The following RFX6 variants were observed in gnomAD, a reference collection of about 807,000 sequenced individuals.
The protein encoded by RFX6 is DNA-binding protein RFX6.
Under a neutral mutation model 110.8 loss-of-function variants are expected in RFX6, and 50 were observed. The ratio of observed to expected loss-of-function variants is 0.45; its 90% confidence interval spans 0.36 to 0.57. RFX6 has a LOEUF of 0.57. Among genes scored for constraint, RFX6 ranks in the 20% least tolerant of loss-of-function variants. RFX6 has a pLI of 0.00. For missense variants in RFX6, 990 were observed against 1,127.0 expected (o/e 0.88, Z 1.74); for synonymous variants, 383 against 411.2 (o/e 0.93, Z 0.83).
In RFX6 at chr6:116,910,980, C is replaced by T; in HGVS notation, c.718C>T (p.Leu240Phe). 6.2e-7 allele frequency: 1 copy of T among 1,613,798 alleles called. No individual in the cohort carries two copies. Among genetic ancestry groups the T allele is most frequent in the Non-Finnish European group, 8.5e-7 (1 of 1,179,764 alleles). ...KYSLSSKTGTLLPEFPSAQHL... is the reference protein window; with the variant it reads ...KYSLSSKTGTFLPEFPSAQHL... ...TTCGCTTAGCTCAAAAACTGGAACA[C>T]TTCTTCCAGAATTCCCCAGCGCTCA... Residue 240 changes from leucine to phenylalanine, a missense_variant, in exon 7 of 19, where the codon CTT becomes TTT. Around this residue, in one of 5 missense-constraint regions of RFX6, gnomAD observed 243 missense variants for 353.1 expected, o/e 0.69. Coordinates refer to ENST00000332958, the MANE Select transcript of RFX6 (RefSeq NM_173560.4).
intron 18 of RFX6, 62 bp from the exon 19 acceptor site, chr6:116,931,269 C>T: frequency 8.2e-7 from 1 of 1,212,916 alleles, no homozygotes; most frequent in Non-Finnish European, 1.2e-6. Context: ...AAATGAGTGG[C>T]ATTTGCAGAG....
chr6:116,878,563 T>A lies in RFX6; in HGVS notation c.380+611T>A, dbSNP rs192107159. On this transcript the variant is annotated intron_variant, in intron 2 of 18. Transcript: ENST00000332958. ...GTGGAAAATCTTTTAAAACCAAGAA[T>A]TTATCAGTAGGATTTCCACATAGAG... 3.2e-4 allele frequency among the ~76,000 whole-genome samples: 48 copies of A among 152,116 alleles called. 1 individual carries two copies. The highest frequency in any genetic ancestry group is 1.1e-3 in the African/African-American group (46 of 41,578).
rs73765879 is a variant in RFX6 at position 116,883,220 on chromosome 6, A to G, written c.566+792A>G. Among the ~76,000 whole-genome samples the G allele has an allele frequency of 2.3e-3, 351 of 152,196 alleles. 1 individual carries two copies. Among genetic ancestry groups the G allele is most frequent in the African/African-American group, 8.2e-3 (342 of 41,544 alleles). On this transcript the variant is annotated intron_variant, in intron 4 of 18. Transcript: ENST00000332958. ...CATTTCCTACCTGGGCAAAAATCCA[A>G]TGGCTGGTTTTTACTGTTACTCATC... is the stretch of plus-strand genomic sequence containing the variant.
chr6:116,894,761 A>G (rs1562136431), intron 5 of RFX6, among the ~76,000 whole-genome samples: 1 of 152,118 alleles, frequency 6.6e-6, no homozygotes. Context: ...TAGCTCTTAA[A>G]AGAAGAAATT....
At chr6:116,915,150 G>GTT (rs1775435951) in intron 7 of RFX6, among the ~76,000 whole-genome samples, 1 of 152,086 alleles carries the variant, frequency 6.6e-6, no homozygotes, top group Non-Finnish European at 1.5e-5. Flanking sequence ...TAAGTGGCCA[G>GTT]AATATTATCT....
Position 116,916,093 on chromosome 6 carries a change from T to C in RFX6, c.858+8T>C. ...AATGGAAACTTTGAAGAGGTAAGAA[T>C]GACAAAGAATGCTTTATTTGACCCT... is the stretch of plus-strand genomic sequence containing the variant. On this transcript the variant is annotated splice_region_variant and intron_variant, in intron 8 of 18. Transcript: ENST00000332958. 1 of 1,592,726 alleles carries C rather than the reference T, an allele frequency of 6.3e-7. No homozygotes were observed. The highest frequency in any genetic ancestry group is 1.3e-5 in the African/African-American group (1 of 74,564).
chr6:116,930,263 G>A (rs1278269513), intron 18 of RFX6, among the ~76,000 whole-genome samples: 7 of 146,314 alleles, frequency 4.8e-5, no homozygotes. Context: ...TATTTCTTAA[G>A]TATAAAGCCT....
chr6:116,911,079 T>C, intron 7 of RFX6, 37 bp downstream of exon 7: 1 of 1,363,274 alleles, frequency 7.3e-7, no homozygotes, highest in Non-Finnish European at 1.1e-6. Flanking sequence ...GATTTTCTGA[T>C]ATGTTGGCTC....
intron 6 of RFX6, among the ~76,000 whole-genome samples, chr6:116,904,731 C>T (rs929616580): frequency 6.6e-6 from 1 of 152,166 alleles, no homozygotes. Flanking sequence ...ATGATGTTTA[C>T]TACTCTAGAA....
chr6:116,915,001 G>A (rs925481784), intron 7 of RFX6, among the ~76,000 whole-genome samples: 7 of 152,130 alleles, frequency 4.6e-5, no homozygotes, highest in Admixed American at 3.9e-4. Context: ...TTAGAGCTGC[G>A]ATTGAAATCC....
At chr6:116,895,645 T>TACACACACACACAC in intron 6 of RFX6, among the ~76,000 whole-genome samples, 1 of 147,940 alleles carries the variant, frequency 6.8e-6, no homozygotes, top group Admixed American at 6.8e-5. Flanking sequence ...CTACTTTGTG[T>TACACACACACACAC]ACACACACAC....
chr6:116,924,612 T>A, intron 14 of RFX6, 57 bp from the exon 15 acceptor site: 1 of 1,512,648 alleles, frequency 6.6e-7, no homozygotes, highest in Non-Finnish European at 9.2e-7. Context: ...TCCTTCTCTT[T>A]CTCTCCCCTT....
chr6:116,880,770 G>T lies in RFX6; in HGVS notation c.504+103G>T, dbSNP rs898660305. ...TGCAAGTTCTCTTAGAGAATATTGAGACATTTGTTTTGCAGGCATAAATTG... is the reference window on the plus strand; with the variant it reads ...TGCAAGTTCTCTTAGAGAATATTGATACATTTGTTTTGCAGGCATAAATTG... On this transcript the variant is annotated intron_variant, in intron 3 of 18. Transcript: ENST00000332958. 4 of 1,307,862 alleles carry T rather than the reference G, an allele frequency of 3.1e-6. No individual in the cohort carries two copies. In the African/African-American group the frequency reaches 5.8e-5, roughly 19 times the overall value. The allele number at this position is 1,307,862 out of a possible 1,614,324, so 81.0% of individuals were successfully genotyped here. A position where few individuals can be genotyped will look rare whatever the true frequency, so the allele number is the denominator to read the frequency against.
chr6:116,924,631 T>A (rs774176715), intron 14 of RFX6, 38 bp from the exon 15 acceptor site: 5 of 1,591,446 alleles, frequency 3.1e-6, no homozygotes, highest in African/African-American at 1.3e-5. Context: ...TTTTTACATT[T>A]CACACTGTCC....
intron 6 of RFX6, among the ~76,000 whole-genome samples, chr6:116,906,860 G>T (rs202023442): frequency 2.9e-4 from 40 of 137,156 alleles, no homozygotes; most frequent in South Asian, 2.5e-3. Context: ...GTGTTTTTTT[G>T]TTTTTTTTTT....
At position 116,930,863 on chromosome 6, in the gene RFX6, C is replaced by T. The variant is rs529384614; in HGVS notation, c.2612-468C>T. Among the ~76,000 whole-genome samples the T allele has an allele frequency of 5.9e-5, 9 of 152,144 alleles. No homozygotes were observed. In the South Asian group the frequency reaches 8.3e-4, roughly 14 times the overall value. On this transcript the variant is annotated intron_variant, in intron 18 of 18. Coordinates refer to ENST00000332958, the MANE Select transcript of RFX6 (RefSeq NM_173560.4). ...TGCTTGGTTCATGTTCCAAGGGTAT[C>T]GGAAGCCACTATGGCATTTGAGACG...
chr6:116,918,123 T>C, intron 10 of RFX6, 37 bp downstream of exon 10: 2 of 1,438,098 alleles, frequency 1.4e-6, no homozygotes, highest in Non-Finnish European at 2.0e-6. Flanking sequence ...ATTCCTAGTA[T>C]AGGATTTAAC....
chr6:116,889,573 TGATG>T (rs1176157502), intron 4 of RFX6, among the ~76,000 whole-genome samples: 2 of 152,034 alleles, frequency 1.3e-5, no homozygotes, highest in African/African-American at 4.8e-5. Flanking sequence ...AATGAGGACC[TGATG>T]GAAGAAGGGT....
At chr6:116,886,132 T>G (rs919466218) in intron 4 of RFX6, among the ~76,000 whole-genome samples, 1 of 152,172 alleles carries the variant, frequency 6.6e-6, no homozygotes, top group Non-Finnish European at 1.5e-5. Flanking sequence ...AATACAGTAC[T>G]TTTAGCATAG....
Sources: gnomAD v4.1 joint callset for allele counts (sites outside exome capture counted in the v4.1 genomes callset) on GRCh38, gnomAD v4.1.1 for gene constraint, gnomAD v4.1.1 regional missense constraint, MANE v1.5 for transcripts, NCBI Gene and HGNC (gene_info 2026-07-23, HGNC 2026-07-21) for gene names.